Variants in TARS3 observed in about 807,000 individuals in gnomAD.
The protein encoded by TARS3 is threonyl-tRNA synthetase 3, also known as threonine--tRNA ligase 2, cytoplasmic.
Under a neutral mutation model 103.5 loss-of-function variants are expected in TARS3, and 94 were observed. The observed-to-expected ratio is 0.91, with a 90% confidence interval of 0.77 to 1.08. The LOEUF is 1.08. TARS3 is among the 50% of genes least tolerant of loss of function. The pLI is 0.00. For missense variants in TARS3, 952 were observed against 995.2 expected, an observed-to-expected ratio of 0.96 and a Z score of 0.58; for synonymous variants, 416 against 355.4, an observed-to-expected ratio of 1.17 and a Z score of -1.92.
intron 10 of TARS3, among the ~76,000 whole-genome samples, chr15:101,692,024 A>G (rs1250376515): frequency 6.6e-6 from 1 of 152,206 alleles, no homozygotes; most frequent in Non-Finnish European, 1.5e-5. Flanking sequence ...CCAATTCCTC[A>G]TAATAAATCT....
chr15:101,711,764 C>A lies in TARS3; in HGVS notation c.812+116G>T, dbSNP rs1173576008. 6.3e-6 allele frequency: 8 copies of A among 1,277,238 alleles called. No individual in the cohort carries two copies. The African/African-American group carries it at 7.5e-5, about 12-fold the overall frequency. The allele number at this position is 1,277,238 out of a possible 1,614,324, so 79.1% of individuals were successfully genotyped here. Reference sequence around the variant, plus strand: ...TTTCAACTGCATGGGCGTCGGTGCCCCTAACCCCACATTATGTAAGGGCCA... The same window carrying A: ...TTTCAACTGCATGGGCGTCGGTGCCACTAACCCCACATTATGTAAGGGCCA... On this transcript the variant is annotated intron_variant, in intron 5 of 18. Transcript: ENST00000335968.
chr15:101,681,656 A>G (rs986632043), intron 12 of TARS3, among the ~76,000 whole-genome samples: 1 of 152,206 alleles, frequency 6.6e-6, no homozygotes, highest in African/African-American at 2.4e-5. Context: ...CCAACGGCTG[A>G]CTTCTCACTG....
chr15:101,693,490 G>A (rs1898826020), intron 10 of TARS3, among the ~76,000 whole-genome samples: 2 of 152,264 alleles, frequency 1.3e-5, no homozygotes, highest in South Asian at 4.2e-4. Flanking sequence ...AATTCAAGGT[G>A]AGATTTGGGT....
intron 12 of TARS3, among the ~76,000 whole-genome samples, chr15:101,682,951 A>G (rs1898313329): frequency 6.6e-6 from 1 of 152,200 alleles, no homozygotes; most frequent in South Asian, 2.1e-4. Flanking sequence ...TTATCTTTTT[A>G]ACAGCTACAG....
intron 2 of TARS3, among the ~76,000 whole-genome samples, chr15:101,721,565 G>C (rs1596333606): frequency 6.6e-6 from 1 of 152,306 alleles, no homozygotes; most frequent in East Asian, 1.9e-4. Flanking sequence ...CACGAAATCA[G>C]CTCACTGCAG....
chr15:101,689,104 A>G (rs1898597269), intron 10 of TARS3, among the ~76,000 whole-genome samples: 1 of 152,302 alleles, frequency 6.6e-6, no homozygotes, highest in East Asian at 1.9e-4. Flanking sequence ...CCTTTACTAT[A>G]GAACTGATAG....
chr15:101,672,866 G>A (rs1306250598), intron 13 of TARS3, among the ~76,000 whole-genome samples: 1 of 152,178 alleles, frequency 6.6e-6, no homozygotes, highest in African/African-American at 2.4e-5. Context: ...CAGGACAAAT[G>A]AGGCCCTCCT....
chr15:101,686,940 A>T (rs1390158399), intron 10 of TARS3, among the ~76,000 whole-genome samples: 1 of 151,958 alleles, frequency 6.6e-6, no homozygotes, highest in African/African-American at 2.4e-5. Flanking sequence ...TTCACAGCTA[A>T]AAAAACATAA....
chr15:101,658,952 C>A (rs1360156269), intron 16 of TARS3, among the ~76,000 whole-genome samples: 1 of 152,076 alleles, frequency 6.6e-6, no homozygotes, highest in Non-Finnish European at 1.5e-5. Context: ...CCACCACACC[C>A]AGCTAATTTT....
intron 4 of TARS3, among the ~76,000 whole-genome samples, chr15:101,713,729 T>C (rs536900541): frequency 2.0e-5 from 3 of 152,242 alleles, no homozygotes; most frequent in East Asian, 1.9e-4. Context: ...AAATCGAAAA[T>C]TTCATGGTGA....
intron 15 of TARS3, among the ~76,000 whole-genome samples, chr15:101,668,411 T>A (rs1427550389): frequency 6.6e-6 from 1 of 152,168 alleles, no homozygotes; most frequent in African/African-American, 2.4e-5. Context: ...TCGGTAAAGT[T>A]CATCGTTTTA....
chr15:101,686,926 T>C (rs563153090), intron 10 of TARS3, among the ~76,000 whole-genome samples: 4 of 151,986 alleles, frequency 2.6e-5, no homozygotes, highest in Non-Finnish European at 4.4e-5. Context: ...TTTGAAAAAC[T>C]GTTTTCACAG....
intron 10 of TARS3, among the ~76,000 whole-genome samples, chr15:101,691,715 C>A (rs1898734264): frequency 6.6e-6 from 1 of 152,152 alleles, no homozygotes; most frequent in African/African-American, 2.4e-5. Flanking sequence ...CTTAACAAAA[C>A]TCCCTGATAA....
At chr15:101,709,629 T>C (rs1042980200) in intron 5 of TARS3, among the ~76,000 whole-genome samples, 1 of 152,186 alleles carries the variant, frequency 6.6e-6, no homozygotes, top group Admixed American at 6.5e-5. Flanking sequence ...CTGATGTTCC[T>C]ATAGTCATCA....
In TARS3 at chr15:101,711,994, C is replaced by A. The variant is rs748586068; in HGVS notation, c.698G>T (p.Trp233Leu). Residue 233 changes from tryptophan to leucine, a missense_variant, in exon 5 of 19, where the codon TGG becomes TTG. By Grantham distance (61) the Trp-to-Leu change is moderately conservative. This residue lies in a region of TARS3 where 412 missense variants were observed against 364.2 expected (regional missense o/e 1.13). Transcript: ENST00000335968. ...FDNEEAQAVY[W>L]HSSAHILGEA... ...CCCAAGAATGTGAGCACTGGAGTGC[C>A]AGTACACCTGCATGGCATGGACAAA... The A allele has an allele frequency of 6.2e-7, 1 of 1,612,774 alleles. No homozygotes were observed. The highest frequency in any genetic ancestry group is 1.1e-5 in the South Asian group (1 of 90,890).
At chr15:101,698,758 T>A (rs1250905951) in intron 10 of TARS3, among the ~76,000 whole-genome samples, 1 of 152,228 alleles carries the variant, frequency 6.6e-6, no homozygotes, top group Non-Finnish European at 1.5e-5. Flanking sequence ...AGGAGCCTCA[T>A]CTGCAGCTAG....
intron 12 of TARS3, among the ~76,000 whole-genome samples, chr15:101,682,513 T>C (rs1381409118): frequency 6.6e-6 from 1 of 152,180 alleles, no homozygotes; most frequent in Non-Finnish European, 1.5e-5. Flanking sequence ...TAAGATGTCC[T>C]TTTTAAAAAA....
At chr15:101,721,675 A>T (rs1309277587) in intron 2 of TARS3, among the ~76,000 whole-genome samples, 1 of 152,060 alleles carries the variant, frequency 6.6e-6, no homozygotes, top group Non-Finnish European at 1.5e-5. Context: ...TTGTATTTGT[A>T]GTAGAGATGG....
intron 3 of TARS3, among the ~76,000 whole-genome samples, chr15:101,720,124 C>A (rs1464179221): frequency 1.3e-5 from 2 of 152,170 alleles, no homozygotes; most frequent in African/African-American, 2.4e-5. Context: ...TGAAAACAGG[C>A]TGGGAGAGCA....
Sources: allele counts gnomAD v4.1 joint callset (sites outside exome capture counted in the v4.1 genomes callset), GRCh38; gene constraint gnomAD v4.1.1; regional missense constraint gnomAD v4.1.1; transcripts MANE v1.5; gene names NCBI Gene and HGNC (gene_info 2026-07-23, HGNC 2026-07-21).